The following PARVB variants were observed in gnomAD, a reference collection of about 807,000 sequenced individuals.
PARVB encodes beta-parvin.
Under a neutral mutation model 47.0 loss-of-function variants are expected in PARVB, and 46 were observed. The observed-to-expected ratio is 0.98, with a 90% CI of 0.77 to 1.25. PARVB has a LOEUF of 1.25. PARVB is among the 50% of genes most tolerant of loss of function. The pLI, the probability that PARVB is intolerant of heterozygous loss-of-function variation, is 0.00. For synonymous variants in PARVB, 196 were observed against 196.3 expected (o/e 1.00, Z 0.01); for missense variants, 473 against 471.6 (o/e 1.00, Z -0.03).
intron 1 of PARVB, among the ~76,000 whole-genome samples, chr22:44,025,986 A>G (rs2050722155): frequency 6.6e-6 from 1 of 152,234 alleles, no homozygotes; most frequent in Admixed American, 6.5e-5. Context: ...CGGAGCACAT[A>G]GAACAGGGCG....
intron 4 of PARVB, among the ~76,000 whole-genome samples, chr22:44,120,622 A>T (rs1285483385): frequency 6.6e-6 from 1 of 152,146 alleles, no homozygotes; most frequent in Admixed American, 6.5e-5. Context: ...GCAGTGGCCT[A>T]TGGGTTTCTC....
intron 2 of PARVB, among the ~76,000 whole-genome samples, chr22:44,016,909 C>T (rs1288048702): frequency 6.6e-6 from 1 of 152,098 alleles, no homozygotes; most frequent in Non-Finnish European, 1.5e-5. Flanking sequence ...GAGTTTCACT[C>T]TTGTTGCCCA....
intron 2 of PARVB, among the ~76,000 whole-genome samples, chr22:44,099,278 T>G (rs1046166350): frequency 1.3e-5 from 2 of 152,050 alleles, no homozygotes; most frequent in East Asian, 3.9e-4. Context: ...TGTTCAGAGG[T>G]GCTCGGCGCC....
At chr22:44,164,171 G>A (rs1211557373) in intron 12 of PARVB, among the ~76,000 whole-genome samples, 1 of 152,212 alleles carries the variant, frequency 6.6e-6, no homozygotes, top group Admixed American at 6.5e-5. Context: ...GAAGGACGTG[G>A]CCTCTGCCCA....
chr22:44,131,448 G>A, intron 4 of PARVB, 39 bp from the exon 5 acceptor site: 1 of 1,606,514 alleles, frequency 6.2e-7, no homozygotes. Flanking sequence ...GGCCCTTCCA[G>A]CTTTTTCTGA....
chr22:44,050,670 A>C (rs2146937306), intron 1 of PARVB, among the ~76,000 whole-genome samples: 1 of 152,208 alleles, frequency 6.6e-6, no homozygotes, highest in South Asian at 2.1e-4. Context: ...TATGTGTTGC[A>C]GACTGGTGGG....
At chr22:44,134,890 G>A (rs1269315861) in intron 6 of PARVB, among the ~76,000 whole-genome samples, 2 of 152,200 alleles carry the variant, frequency 1.3e-5, no homozygotes, top group African/African-American at 4.8e-5. Context: ...CCAGCTTCAT[G>A]TCTACAATCC....
chr22:44,154,894 T>C (rs1045850718), intron 10 of PARVB, among the ~76,000 whole-genome samples: 3 of 147,296 alleles, frequency 2.0e-5, no homozygotes, highest in Admixed American at 1.4e-4. Flanking sequence ...TTGTAGTCTG[T>C]GTAGTGTGTG....
chr22:44,087,416 G>T (rs1020948942), intron 1 of PARVB, among the ~76,000 whole-genome samples: 2 of 152,170 alleles, frequency 1.3e-5, no homozygotes, highest in African/African-American at 4.8e-5. Context: ...TTTGTGTCTG[G>T]GCCAGACCCT....
upstream of PARVB, chr22:44,024,262 C>A (rs1207449592): frequency 6.4e-6 from 5 of 775,312 alleles, no homozygotes; most frequent in South Asian, 5.8e-5. Context: ...GGCGGCGGGG[C>A]CGCGCCCTCG....
chr22:44,016,109 T>C (rs1356379276), intron 2 of PARVB, among the ~76,000 whole-genome samples: 3 of 149,180 alleles, frequency 2.0e-5, no homozygotes, highest in Non-Finnish European at 4.5e-5. Flanking sequence ...CTTTTTTTTT[T>C]TTTTTGAGAT....
upstream of PARVB, among the ~76,000 whole-genome samples, chr22:44,020,000 T>TC (rs2050629555): frequency 1.4e-5 from 2 of 146,340 alleles, no homozygotes; most frequent in Admixed American, 1.3e-4. Flanking sequence ...GTGTCAACAC[T>TC]CCTGTGACTC....
chr22:44,079,605 G>A (rs947684066), intron 1 of PARVB, among the ~76,000 whole-genome samples: 2 of 152,170 alleles, frequency 1.3e-5, no homozygotes, highest in South Asian at 2.1e-4. Flanking sequence ...AGAAGCCACC[G>A]GTGGAGAACT....
chr22:44,084,295 T>C (rs755432573), intron 1 of PARVB, among the ~76,000 whole-genome samples: 1 of 152,216 alleles, frequency 6.6e-6, no homozygotes, highest in Non-Finnish European at 1.5e-5. Context: ...ACCCCAGAGC[T>C]GAACTACAAG....
chr22:44,069,286 T>C (rs879551748), intron 1 of PARVB: 8 of 869,090 alleles, frequency 9.2e-6, no homozygotes, highest in Non-Finnish European at 1.3e-5. Flanking sequence ...CTGCTTGACT[T>C]TTCCCAGGAA....
intron 2 of PARVB, among the ~76,000 whole-genome samples, chr22:44,018,677 T>C (rs1460771377): frequency 2.0e-5 from 3 of 152,158 alleles, no homozygotes; most frequent in East Asian, 1.9e-4. Flanking sequence ...TTTCCTCGCT[T>C]GGTCCTCCAC....
At chr22:44,012,498 C>A (rs968813064) in intron 2 of PARVB, among the ~76,000 whole-genome samples, 1 of 152,208 alleles carries the variant, frequency 6.6e-6, no homozygotes, top group Non-Finnish European at 1.5e-5. Context: ...CTTGCCAGAT[C>A]ACTAAATTAG....
chr22:44,123,902 C>CCCTGGCACAGTG (rs1255237862), intron 4 of PARVB, among the ~76,000 whole-genome samples: 1 of 152,222 alleles, frequency 6.6e-6, no homozygotes, highest in Admixed American at 6.5e-5. Flanking sequence ...TGGATGGAGC[C>CCCTGGCACAGTG]CCTGGCACAG....
chr22:44,077,855 A>G (rs1279806916), intron 1 of PARVB, among the ~76,000 whole-genome samples: 1 of 151,664 alleles, frequency 6.6e-6, no homozygotes, highest in Non-Finnish European at 1.5e-5. Context: ...CTACCATGAC[A>G]CTCGGCTAAT....
Sources: allele counts gnomAD v4.1 joint callset (sites outside exome capture counted in the v4.1 genomes callset), GRCh38; gene constraint gnomAD v4.1.1; transcripts MANE v1.5; gene names NCBI Gene and HGNC (gene_info 2026-07-23, HGNC 2026-07-21).